Variants in POM121C observed in about 807,000 individuals in gnomAD.
POM121C encodes the protein nuclear envelope pore membrane protein POM 121C.
In POM121C, 20 loss-of-function variants were observed where a neutral mutation model predicts 66.4. That is an observed-to-expected ratio of 0.30 (90% CI 0.21 to 0.44). POM121C has a LOEUF of 0.44. Among genes scored for constraint, POM121C ranks in the 20% least tolerant of loss-of-function variants. The pLI, the probability that POM121C is intolerant of heterozygous loss-of-function variation, is 1.00. For missense variants in POM121C, 580 were observed against 1,225.7 expected, an observed-to-expected ratio of 0.47 and a Z score of 7.87; for synonymous variants, 286 against 528.0, an observed-to-expected ratio of 0.54 and a Z score of 6.28.
rs782441491 is a variant in POM121C at position 75,437,701 on chromosome 7, G to A, written c.309-15C>T. 3.8e-6 allele frequency: 6 copies of A among 1,583,592 alleles called. No homozygotes were observed. In the South Asian group the frequency reaches 6.8e-5, roughly 18 times the overall value. Reference sequence around the variant, plus strand: ...GAGACCCAGGCCTAATAAAAGAGAAGACAGTTAGATGCTTTATTGAAGGCA... The same window carrying A: ...GAGACCCAGGCCTAATAAAAGAGAAAACAGTTAGATGCTTTATTGAAGGCA... On this transcript the variant is annotated splice_polypyrimidine_tract_variant and intron_variant, in intron 6 of 14. Coordinates refer to ENST00000615331, the MANE Select transcript of POM121C (RefSeq NM_001099415.3).
chr7:75,441,421 A>G lies in POM121C; in HGVS notation c.65+11T>C, dbSNP rs371505841. On this transcript the variant is annotated intron_variant, in intron 4 of 14. Transcript: ENST00000615331. ...GAAAAGGGAGAGTATTCTTCCAACG[A>G]TAATACTCACATCGCAGAACGTGAA... 375 of 1,613,702 alleles carry G rather than the reference A, an allele frequency of 2.3e-4. No homozygotes were observed. The highest frequency in any genetic ancestry group is 3.1e-4 in the Non-Finnish European group (368 of 1,179,830).
chr7:75,462,423 G>C (rs1773598308), intron 3 of POM121C, among the ~76,000 whole-genome samples: 1 of 150,512 alleles, frequency 6.6e-6, no homozygotes, highest in African/African-American at 2.4e-5. Flanking sequence ...TGTGAAAACT[G>C]ACTAATACTC....
At position 75,441,665 on chromosome 7, in the gene POM121C, C is replaced by G. The variant is rs1554474036; in HGVS notation, c.-151-18G>C. 6.6e-7 allele frequency: 1 copy of G among 1,524,358 alleles called. No homozygotes were observed. Among genetic ancestry groups the G allele is most frequent in the Non-Finnish European group, 8.9e-7 (1 of 1,124,532 alleles). 94.4% of individuals were successfully genotyped at this position (1,524,358 alleles called of 1,614,324 possible). On this transcript the variant is annotated intron_variant, in intron 3 of 14. Transcript: ENST00000615331. Reference sequence around the variant, plus strand: ...CACGATCCCTGCAGAGAATGCGAGACAAATCATGGAAACAAAGTATAAAAG... The same window carrying G: ...CACGATCCCTGCAGAGAATGCGAGAGAAATCATGGAAACAAAGTATAAAAG...
intron 3 of POM121C, among the ~76,000 whole-genome samples, chr7:75,473,952 T>C (rs1332467640): frequency 1.1e-4 from 16 of 152,240 alleles, no homozygotes; most frequent in Non-Finnish European, 1.9e-4. Flanking sequence ...CCTCCTAAAG[T>C]GCTGGGATTA....
intron 3 of POM121C, among the ~76,000 whole-genome samples, chr7:75,468,830 T>TG (rs1791770577): frequency 1.3e-5 from 2 of 152,180 alleles, no homozygotes; most frequent in Admixed American, 1.3e-4. Context: ...GAGACCAGCC[T>TG]GGGCAACTTA....
At chr7:75,463,668 G>T (rs1791524997) in intron 3 of POM121C, among the ~76,000 whole-genome samples, 1 of 151,960 alleles carries the variant, frequency 6.6e-6, no homozygotes, top group African/African-American at 2.4e-5. Flanking sequence ...ATAATTTCCA[G>T]TTACCCCATT....
At chr7:75,453,894 G>A (rs142933760) in intron 3 of POM121C, among the ~76,000 whole-genome samples, 21,126 of 147,158 alleles carry the variant, frequency 0.14, no homozygotes, top group Middle Eastern at 0.22. Flanking sequence ...CCTGTGGGCT[G>A]GAACCTGTCC....
At chr7:75,458,742 T>C (rs587756495) in intron 3 of POM121C, among the ~76,000 whole-genome samples, 2 of 152,202 alleles carry the variant, frequency 1.3e-5, no homozygotes, top group East Asian at 3.9e-4. Context: ...ACACTCAAAG[T>C]GTCCAGGATA....
At chr7:75,482,653 A>G (rs1193931367) in intron 1 of POM121C, among the ~76,000 whole-genome samples, 5 of 152,060 alleles carry the variant, frequency 3.3e-5, no homozygotes, top group Non-Finnish European at 5.9e-5. Flanking sequence ...TCACGTCTCT[A>G]CACTCCAACC....
chr7:75,484,843 A>T (rs1792457013), intron 1 of POM121C, among the ~76,000 whole-genome samples: 1 of 151,880 alleles, frequency 6.6e-6, no homozygotes, highest in African/African-American at 2.4e-5. Flanking sequence ...TATACGGCTC[A>T]TGTTTTTTGT....
At chr7:75,450,714 T>C (rs1252302842) in intron 3 of POM121C, among the ~76,000 whole-genome samples, 1 of 152,234 alleles carries the variant, frequency 6.6e-6, no homozygotes, top group Non-Finnish European at 1.5e-5. Context: ...TGGAAGTCAC[T>C]AAACGTATGT....
chr7:75,465,055 C>T (rs1173059341), intron 3 of POM121C, among the ~76,000 whole-genome samples: 1 of 148,632 alleles, frequency 6.7e-6, no homozygotes, highest in Non-Finnish European at 1.5e-5. Context: ...GGTGCAATGG[C>T]GTGATCTCAG....
chr7:75,432,379 A>T (rs1554472464), intron 7 of POM121C, among the ~76,000 whole-genome samples: 1 of 152,236 alleles, frequency 6.6e-6, no homozygotes, highest in Non-Finnish European at 1.5e-5. Context: ...CAGTATATAC[A>T]TCAATGACAA....
chr7:75,437,472 C>G (rs782506260), intron 7 of POM121C, 43 bp downstream of exon 7: 2 of 1,578,124 alleles, frequency 1.3e-6, no homozygotes, highest in Non-Finnish European at 8.7e-7. Flanking sequence ...TGAATGAACG[C>G]TGGGAATTCA....
chr7:75,474,983 G>C, intron 2 of POM121C, 79 bp downstream of exon 2: 13 of 1,470,690 alleles, frequency 8.8e-6, no homozygotes, highest in Non-Finnish European at 1.2e-5. Flanking sequence ...GGAATTAAAT[G>C]GTGTTGCCAC....
intron 5 of POM121C, 126 bp downstream of exon 5, chr7:75,440,828 C>A: frequency 6.6e-7 from 1 of 1,511,874 alleles, no homozygotes; most frequent in Non-Finnish European, 9.0e-7. Context: ...TCATGAAAGC[C>A]AAAGAAGGAG....
rs112547320 is a variant in POM121C, at chr7:75,439,229, G to A, written c.228-5C>T. On this transcript the variant is annotated splice_region_variant and splice_polypyrimidine_tract_variant and intron_variant, in intron 5 of 14. Coordinates refer to ENST00000615331, the MANE Select transcript of POM121C (RefSeq NM_001099415.3). ...CTGCCACTGCTATCATGGCGCCTGC[G>A]ACAAATCAAAAAAGTCTCAAATGAA... The A allele has an allele frequency of 6.2e-6, 10 of 1,613,948 alleles. No homozygotes were observed. The highest frequency in any genetic ancestry group is 4.5e-5 in the East Asian group (2 of 44,892).
At chr7:75,426,856 A>C (rs1219356775) in intron 7 of POM121C, among the ~76,000 whole-genome samples, 1 of 151,134 alleles carries the variant, frequency 6.6e-6, no homozygotes, top group Non-Finnish European at 1.5e-5. Flanking sequence ...TTGTTTGTGA[A>C]GAAAGACCCC....
intron 3 of POM121C, among the ~76,000 whole-genome samples, chr7:75,460,262 C>A (rs1482725944): frequency 6.9e-6 from 1 of 144,294 alleles, no homozygotes; most frequent in East Asian, 1.9e-4. Flanking sequence ...GGGGCCGAGG[C>A]GGAGGGAATC....
Sources: allele counts gnomAD v4.1 joint callset (sites outside exome capture counted in the v4.1 genomes callset), GRCh38; gene constraint gnomAD v4.1.1; transcripts MANE v1.5; gene names NCBI Gene and HGNC (gene_info 2026-07-23, HGNC 2026-07-21).